Variants in ATL3 observed in about 807,000 individuals in gnomAD.
The protein encoded by ATL3 is atlastin GTPase 3.
In ATL3, 49 loss-of-function variants were observed where a neutral mutation model predicts 69.5. That is an observed-to-expected ratio of 0.71 (90% CI 0.56 to 0.89). The LOEUF is 0.89. Among genes scored for constraint, ATL3 ranks in the 40% least tolerant of loss-of-function variants. ATL3 has a pLI of 0.00. For missense variants in ATL3, 606 were observed against 645.7 expected, an observed-to-expected ratio of 0.94 and a Z score of 0.67; for synonymous variants, 214 against 224.1, an observed-to-expected ratio of 0.95 and a Z score of 0.40.
Position 63,651,999 on chromosome 11 carries a change from A to C in ATL3, c.511-13T>G, listed in dbSNP as rs2134507042. ...ATAAATTATAAATCTAGAAAACAAA[A>C]ATCCAGATTGATACTACTCTGGCTT... On this transcript the variant is annotated splice_polypyrimidine_tract_variant and intron_variant, in intron 4 of 12. Transcript: ENST00000398868. 2 of 1,601,682 alleles carry C rather than the reference A, an allele frequency of 1.2e-6. No homozygotes were observed. Among genetic ancestry groups the C allele is most frequent in the South Asian group, 2.3e-5 (2 of 87,832 alleles).
chr11:63,636,442 T>C, intron 8 of ATL3, 108 bp from the exon 9 acceptor site: 2 of 1,472,472 alleles, frequency 1.4e-6, no homozygotes, highest in Non-Finnish European at 1.9e-6. Flanking sequence ...CATTGGTTGT[T>C]AAAAGTGAGA....
upstream of ATL3, chr11:63,671,407 G>A (rs544508530): frequency 1.9e-5 from 29 of 1,522,448 alleles, no homozygotes; most frequent in South Asian, 2.2e-4. Flanking sequence ...GGAACGAACC[G>A]GGCCCTGGAA....
At chr11:63,667,522 G>A (rs968781095) in intron 1 of ATL3, among the ~76,000 whole-genome samples, 2 of 152,054 alleles carry the variant, frequency 1.3e-5, no homozygotes, top group East Asian at 3.9e-4. Flanking sequence ...ACCACTTTGG[G>A]AGGCCAAGGC....
intron 9 of ATL3, 77 bp from the exon 10 acceptor site, chr11:63,635,667 AC>A: frequency 8.7e-7 from 1 of 1,151,148 alleles, no homozygotes; most frequent in Non-Finnish European, 1.3e-6. Flanking sequence ...TTAGAAAGTG[AC>A]CATACAACTG....
chr11:63,640,559 A>T (rs1484808074), intron 8 of ATL3, among the ~76,000 whole-genome samples: 1 of 142,594 alleles, frequency 7.0e-6, no homozygotes, highest in Non-Finnish European at 1.5e-5. Flanking sequence ...TGTTGTTTCC[A>T]GTTATTCTCT....
At chr11:63,653,085 G>A (rs1178345168) in intron 3 of ATL3, among the ~76,000 whole-genome samples, 2 of 151,954 alleles carry the variant, frequency 1.3e-5, no homozygotes, top group African/African-American at 4.8e-5. Context: ...CCAGCACTTC[G>A]GGAGGGAGGC....
chr11:63,651,390 A>T (rs1940073989), intron 5 of ATL3, among the ~76,000 whole-genome samples: 2 of 151,854 alleles, frequency 1.3e-5, no homozygotes, highest in African/African-American at 4.8e-5. Flanking sequence ...TGGGGACAAG[A>T]GCAAGACTTC....
intron 3 of ATL3, among the ~76,000 whole-genome samples, chr11:63,657,151 A>T (rs1322697281): frequency 6.8e-6 from 1 of 147,980 alleles, no homozygotes; most frequent in African/African-American, 2.5e-5. Flanking sequence ...CGGAGACTGT[A>T]GTGACCAAGA....
intron 12 of ATL3, among the ~76,000 whole-genome samples, 153 bp downstream of exon 12, chr11:63,630,887 T>A (rs1425376513): frequency 6.6e-6 from 1 of 151,314 alleles, no homozygotes; most frequent in Non-Finnish European, 1.5e-5. Context: ...TAAAGGATAA[T>A]AAAACATACA....
At chr11:63,645,264 G>A (rs1486133535) in intron 6 of ATL3, among the ~76,000 whole-genome samples, 3 of 151,302 alleles carry the variant, frequency 2.0e-5, no homozygotes, top group African/African-American at 7.3e-5. Context: ...AAAATTAGCC[G>A]GGCGCCTGAA....
chr11:63,664,628 G>T (rs1218546838), intron 1 of ATL3, among the ~76,000 whole-genome samples: 32 of 141,032 alleles, frequency 2.3e-4, no homozygotes, highest in Admixed American at 2.1e-4. Context: ...TTGTTTTTTT[G>T]TTTTTTTTTT....
intron 8 of ATL3, among the ~76,000 whole-genome samples, chr11:63,637,372 T>C (rs1433245107): frequency 2.0e-5 from 3 of 152,222 alleles, no homozygotes; most frequent in East Asian, 3.8e-4. Context: ...CTCACACTAC[T>C]ACTCCTTTAA....
chr11:63,657,162 T>A (rs984796469), intron 3 of ATL3, among the ~76,000 whole-genome samples: 3 of 139,208 alleles, frequency 2.2e-5, no homozygotes, highest in Middle Eastern at 7.6e-3. Flanking sequence ...GTGACCAAGA[T>A]GGTGCCACTG....
At chr11:63,671,738 G>C, upstream of ATL3, 1 of 1,227,200 alleles carries the variant, frequency 8.1e-7, no homozygotes, top group Non-Finnish European at 1.0e-6. Context: ...TCTGGGGCGG[G>C]GCTTGGCGTG....
In ATL3 at chr11:63,626,633, T is replaced by C. The variant is rs1275253642; in HGVS notation, c.*2686A>G. 2.6e-5 allele frequency: 4 copies of C among 152,206 alleles called. No homozygotes were observed. Among genetic ancestry groups the C allele is most frequent in the African/African-American group, 9.7e-5 (4 of 41,446 alleles). 9.4% of individuals were successfully genotyped at this position (152,206 alleles called of 1,614,324 possible). A position where few individuals can be genotyped will look rare whatever the true frequency, so the allele number is the denominator to read the frequency against. ...TATATATTCATAGGAATGAGTTCCA[T>C]ATATTGTTAGGATTGTGTAAAATTA... On this transcript the variant is annotated 3_prime_UTR_variant, in exon 13 of 13. Coordinates refer to ENST00000398868, the MANE Select transcript of ATL3 (RefSeq NM_015459.5).
intron 12 of ATL3, among the ~76,000 whole-genome samples, chr11:63,630,130 C>T (rs146409819): frequency 4.7e-4 from 71 of 151,640 alleles, no homozygotes; most frequent in South Asian, 1.3e-3. Flanking sequence ...TAGAAGTTGC[C>T]GACCAGGCGC....
At chr11:63,650,456 C>A (rs187647334) in intron 5 of ATL3, 8 of 152,152 alleles carry the variant, frequency 5.3e-5, no homozygotes, top group Admixed American at 4.6e-4. Flanking sequence ...GTAATGGAGA[C>A]CTTAATTATT....
At chr11:63,635,651 T>G in intron 9 of ATL3, 61 bp from the exon 10 acceptor site, 2 of 1,338,790 alleles carry the variant, frequency 1.5e-6, no homozygotes, top group South Asian at 1.3e-5. Context: ...TACTCATATT[T>G]AATTTTTAGA....
At chr11:63,655,865 C>T (rs1940226698) in intron 3 of ATL3, among the ~76,000 whole-genome samples, 1 of 152,090 alleles carries the variant, frequency 6.6e-6, no homozygotes, top group African/African-American at 2.4e-5. Flanking sequence ...CTTAAAATGT[C>T]CAAATTTGAT....
Sources: allele counts gnomAD v4.1 joint callset (sites outside exome capture counted in the v4.1 genomes callset), GRCh38; gene constraint gnomAD v4.1.1; transcripts MANE v1.5; gene names NCBI Gene and HGNC (gene_info 2026-07-23, HGNC 2026-07-21).